SPAG16: variants seen among roughly 807,000 people sequenced by gnomAD.
SPAG16 encodes the protein sperm associated antigen 16.
In SPAG16, 86 loss-of-function variants were observed where a neutral mutation model predicts 80.4. That is an observed-to-expected ratio of 1.07 (90% CI 0.90 to 1.28). The LOEUF is 1.28. Among genes scored for constraint, SPAG16 ranks in the 50% most tolerant of loss-of-function variants. The pLI, the probability that SPAG16 is intolerant of heterozygous loss-of-function variation, is 0.00. For synonymous variants in SPAG16, 294 were observed against 265.9 expected (o/e 1.11, Z -1.03); for missense variants, 870 against 765.3 (o/e 1.14, Z -1.61).
At chr2:214,033,048 G>T (rs758378929) in intron 13 of SPAG16, among the ~76,000 whole-genome samples, 2 of 152,130 alleles carry the variant, frequency 1.3e-5, no homozygotes, top group Non-Finnish European at 2.9e-5. Flanking sequence ...GAAAGACAAA[G>T]TCAGAAAATG....
rs1239466842 is a variant in SPAG16, at chr2:214,177,925, A to ATATATT, written c.1720+28664_1720+28665insTTATAT. On this transcript the variant is annotated intron_variant, in intron 15 of 15. Coordinates refer to ENST00000331683, the MANE Select transcript of SPAG16 (RefSeq NM_024532.5). ...CATATATATATATATACATATATATATATATATATGGCCAGAATTGTTATA... is the reference window on the plus strand; with the variant it reads ...CATATATATATATATACATATATATATATATTTATATATATGGCCAGAATTGTTATA... Among the ~76,000 whole-genome samples, 6 of 134,640 alleles carry ATATATT rather than the reference A, an allele frequency of 4.5e-5. 1 individual carries two copies. The Admixed American group carries it at 4.6e-4, about 10-fold the overall frequency. The allele number at this position is 134,640 out of a possible 152,430, so 88.3% of individuals were successfully genotyped here.
chr2:213,519,290 C>T (rs2125841753), intron 10 of SPAG16, among the ~76,000 whole-genome samples: 1 of 152,292 alleles, frequency 6.6e-6, no homozygotes, highest in East Asian at 1.9e-4. Flanking sequence ...TATCCTTCAC[C>T]TGTTGATATG....
chr2:214,048,785 C>T (rs2049478392), intron 13 of SPAG16, among the ~76,000 whole-genome samples: 1 of 152,034 alleles, frequency 6.6e-6, no homozygotes, highest in Non-Finnish European at 1.5e-5. Flanking sequence ...ACATTGCATG[C>T]CTGTATTAAA....
At chr2:213,566,022 T>A (rs1001623686) in intron 10 of SPAG16, among the ~76,000 whole-genome samples, 4 of 152,104 alleles carry the variant, frequency 2.6e-5, no homozygotes, top group African/African-American at 9.7e-5. Context: ...GGGAATAGCT[T>A]TTAAACTAGA....
intron 12 of SPAG16, among the ~76,000 whole-genome samples, chr2:213,983,854 C>T (rs1411835223): frequency 6.6e-6 from 1 of 151,966 alleles, no homozygotes; most frequent in Non-Finnish European, 1.5e-5. Context: ...AAAACAATAC[C>T]TTAGATTCCT....
At chr2:214,139,921 C>T (rs556140239) in intron 14 of SPAG16, among the ~76,000 whole-genome samples, 1 of 152,098 alleles carries the variant, frequency 6.6e-6, no homozygotes, top group Non-Finnish European at 1.5e-5. Context: ...CTCTTTCAAC[C>T]AATTGCTAAC....
At chr2:214,333,683 C>G (rs552084886) in intron 15 of SPAG16, among the ~76,000 whole-genome samples, 1 of 152,212 alleles carries the variant, frequency 6.6e-6, no homozygotes, top group African/African-American at 2.4e-5. Context: ...TAACATACCA[C>G]TCTGCCATCC....
At chr2:214,131,477 T>C (rs903635734) in intron 14 of SPAG16, among the ~76,000 whole-genome samples, 1 of 151,984 alleles carries the variant, frequency 6.6e-6, no homozygotes, top group African/African-American at 2.4e-5. Flanking sequence ...TAAAAGTCAG[T>C]GGAGAAAACT....
chr2:213,885,285 G>A (rs987891931), intron 11 of SPAG16, among the ~76,000 whole-genome samples: 1 of 152,134 alleles, frequency 6.6e-6, no homozygotes, highest in Admixed American at 6.6e-5. Context: ...GCATTTATTA[G>A]TAATGACCAG....
chr2:214,406,052 T>C (rs1701982180), intron 15 of SPAG16, among the ~76,000 whole-genome samples: 1 of 152,164 alleles, frequency 6.6e-6, no homozygotes, highest in Non-Finnish European at 1.5e-5. Flanking sequence ...TAACACACTA[T>C]GAATCTTCAA....
intron 10 of SPAG16, among the ~76,000 whole-genome samples, chr2:213,856,792 G>T (rs868182753): frequency 1.2e-4 from 19 of 152,120 alleles, no homozygotes; most frequent in African/African-American, 4.1e-4. Context: ...CCTGGCTCAT[G>T]AAACCATTTT....
At chr2:214,243,605 C>T (rs1453706149) in intron 15 of SPAG16, among the ~76,000 whole-genome samples, 1 of 151,974 alleles carries the variant, frequency 6.6e-6, no homozygotes. Flanking sequence ...ACATTATATA[C>T]TACTAGTGTC....
Position 213,926,626 on chromosome 2 carries a change from T to A in SPAG16, c.1215-3334T>A, listed in dbSNP as rs115281464. On this transcript the variant is annotated intron_variant, in intron 11 of 15. Transcript: ENST00000331683. ...ATTTTTAAAATTTCTAAATATATAT[T>A]TTTTTCAGATTTGCAGATTCATGTT... 1.0e-2 allele frequency among the ~76,000 whole-genome samples: 1,518 copies of A among 152,212 alleles called. 9 individuals carry two copies. Among genetic ancestry groups the A allele is most frequent in the Non-Finnish European group, 0.013 (886 of 68,010 alleles).
At chr2:214,288,225 C>T (rs1017830869) in intron 15 of SPAG16, among the ~76,000 whole-genome samples, 2 of 152,170 alleles carry the variant, frequency 1.3e-5, no homozygotes, top group African/African-American at 4.8e-5. Context: ...ACTTCCAGTT[C>T]CATCCATGTT....
At chr2:214,062,734 G>A (rs1316287582) in intron 13 of SPAG16, among the ~76,000 whole-genome samples, 3 of 142,650 alleles carry the variant, frequency 2.1e-5, no homozygotes, top group Non-Finnish European at 4.5e-5. Flanking sequence ...AAAACAGAGT[G>A]ATTCTTGCAA....
chr2:213,687,496 T>G (rs1366779833), intron 10 of SPAG16, among the ~76,000 whole-genome samples: 31 of 152,200 alleles, frequency 2.0e-4, no homozygotes, highest in Admixed American at 2.0e-3. Flanking sequence ...AGTACTTATT[T>G]TAGCATTTTT....
intron 10 of SPAG16, among the ~76,000 whole-genome samples, chr2:213,520,642 T>C (rs2075625395): frequency 6.6e-6 from 1 of 152,166 alleles, no homozygotes; most frequent in Admixed American, 6.5e-5. Context: ...CAACTTGTAT[T>C]ACTCTGTTAC....
chr2:213,515,581 A>G (rs1162836502), intron 10 of SPAG16, among the ~76,000 whole-genome samples: 3 of 152,096 alleles, frequency 2.0e-5, no homozygotes, highest in Admixed American at 6.6e-5. Flanking sequence ...CATTTCCTTT[A>G]TCCCATTTGA....
intron 1 of SPAG16, among the ~76,000 whole-genome samples, chr2:213,286,928 G>T (rs1418687065): frequency 6.6e-6 from 1 of 152,124 alleles, no homozygotes; most frequent in African/African-American, 2.4e-5. Flanking sequence ...CTTTATAATG[G>T]TTTACACACT....
Sources: gnomAD v4.1 joint callset for allele counts (sites outside exome capture counted in the v4.1 genomes callset) on GRCh38, gnomAD v4.1.1 for gene constraint, MANE v1.5 for transcripts, NCBI Gene and HGNC (gene_info 2026-07-23, HGNC 2026-07-21) for gene names.